Variants in MYRIP observed in about 807,000 individuals in gnomAD.
MYRIP encodes the protein rab effector MyRIP.
Under a neutral mutation model 98.0 loss-of-function variants are expected in MYRIP, and 49 were observed. That is an observed-to-expected ratio of 0.50 (90% CI 0.40 to 0.63). The LOEUF (loss-of-function observed/expected upper bound fraction) is 0.63, where lower values mean the gene tolerates loss of function less well. Ranked by LOEUF, MYRIP falls within the 30% of genes least tolerant of loss-of-function variation. The pLI is 0.00. For synonymous variants in MYRIP, 404 were observed against 409.5 expected, an observed-to-expected ratio of 0.99 and a Z score of 0.16; for missense variants, 1,004 against 1,058.2, an observed-to-expected ratio of 0.95 and a Z score of 0.71.
At chr3:40,033,288 T>C (rs2125820636) in intron 2 of MYRIP, among the ~76,000 whole-genome samples, 1 of 151,240 alleles carries the variant, frequency 6.6e-6, no homozygotes, top group Middle Eastern at 3.4e-3. Context: ...TTGTCCCTGT[T>C]TGCAGACGAC....
intron 1 of MYRIP, among the ~76,000 whole-genome samples, chr3:39,887,882 C>A (rs376575974): frequency 6.6e-6 from 1 of 151,708 alleles, no homozygotes; most frequent in Non-Finnish European, 1.5e-5. Context: ...TCTACACCAA[C>A]AACAGACAAA....
rs964712865 is a variant in MYRIP, at chr3:40,199,211, T to G, written c.1665+8748T>G. 3.3e-5 allele frequency among the ~76,000 whole-genome samples: 5 copies of G among 152,318 alleles called. No homozygotes were observed. In the East Asian group the frequency reaches 9.6e-4, roughly 29 times the overall value. ...ATCCTGTGGATCCTTGTGGAGAGGA[T>G]GGAGACCACAGCAGCCCCTGCTCTA... On this transcript the variant is annotated intron_variant, in intron 10 of 16. Transcript: ENST00000302541.
At chr3:39,911,733 T>C (rs936154432) in intron 2 of MYRIP, among the ~76,000 whole-genome samples, 15 of 152,190 alleles carry the variant, frequency 9.9e-5, no homozygotes, top group African/African-American at 2.7e-4. Context: ...GTAAGCACAA[T>C]GAACAGCCTG....
intron 3 of MYRIP, among the ~76,000 whole-genome samples, chr3:40,132,085 A>G (rs1284055418): frequency 6.6e-6 from 1 of 152,162 alleles, no homozygotes; most frequent in African/African-American, 2.4e-5. Flanking sequence ...AATTTTTTTA[A>G]TGCTTATAGA....
chr3:39,871,004 G>A (rs1469633797), intron 1 of MYRIP, among the ~76,000 whole-genome samples: 2 of 152,130 alleles, frequency 1.3e-5, no homozygotes, highest in Non-Finnish European at 2.9e-5. Flanking sequence ...ATATTATTCT[G>A]TCCAGTCCAT....
intron 2 of MYRIP, among the ~76,000 whole-genome samples, chr3:40,036,014 A>G (rs1295133884): frequency 1.3e-5 from 2 of 151,996 alleles, no homozygotes; most frequent in Admixed American, 1.3e-4. Flanking sequence ...GAGACATGGA[A>G]GAACAGAAAA....
intron 11 of MYRIP, among the ~76,000 whole-genome samples, chr3:40,221,570 G>A (rs1271080092): frequency 6.6e-6 from 1 of 152,190 alleles, no homozygotes; most frequent in Non-Finnish European, 1.5e-5. Flanking sequence ...AATGGAGGTT[G>A]CAGTGAGCTG....
chr3:39,901,950 C>T (rs879557033), intron 2 of MYRIP, among the ~76,000 whole-genome samples: 1 of 152,000 alleles, frequency 6.6e-6, no homozygotes, highest in Non-Finnish European at 1.5e-5. Flanking sequence ...AAAACAATCC[C>T]TTTTTGGTGG....
chr3:40,185,183 A>G (rs1388865676), intron 9 of MYRIP, among the ~76,000 whole-genome samples: 3 of 152,328 alleles, frequency 2.0e-5, no homozygotes, highest in East Asian at 1.9e-4. Context: ...GGGTTGATTC[A>G]GGAGCCTGTT....
At chr3:40,116,416 C>T (rs1468800923) in intron 3 of MYRIP, among the ~76,000 whole-genome samples, 1 of 108,294 alleles carries the variant, frequency 9.2e-6, no homozygotes, top group Non-Finnish European at 2.2e-5. Flanking sequence ...AGATGGAAAA[C>T]ATCCCCCTAC....
At chr3:40,070,773 C>T (rs1948208518) in intron 3 of MYRIP, among the ~76,000 whole-genome samples, 1 of 152,178 alleles carries the variant, frequency 6.6e-6, no homozygotes, top group South Asian at 2.1e-4. Context: ...ACCAGAAAGG[C>T]TGGGGACTGC....
At chr3:40,186,254 G>C (rs1423201671) in intron 9 of MYRIP, among the ~76,000 whole-genome samples, 2 of 152,082 alleles carry the variant, frequency 1.3e-5, no homozygotes, top group African/African-American at 2.4e-5. Flanking sequence ...CTCAGAGTGA[G>C]TGCTCCACAG....
intron 1 of MYRIP, among the ~76,000 whole-genome samples, chr3:39,888,354 G>A (rs1285949604): frequency 7.3e-5 from 11 of 150,700 alleles, no homozygotes; most frequent in Middle Eastern, 3.4e-3. Flanking sequence ...GAACAGAACA[G>A]AGCCCTCAGA....
intron 3 of MYRIP, among the ~76,000 whole-genome samples, chr3:40,055,882 C>T (rs1947876039): frequency 6.6e-6 from 1 of 152,122 alleles, no homozygotes; most frequent in Non-Finnish European, 1.5e-5. Context: ...TGGAGGTTTT[C>T]TTTAACTAGA....
intron 1 of MYRIP, among the ~76,000 whole-genome samples, chr3:39,875,414 T>G (rs1237206976): frequency 6.6e-6 from 1 of 151,538 alleles, no homozygotes; most frequent in Non-Finnish European, 1.5e-5. Flanking sequence ...GCTTTTCTAG[T>G]TCTTTTAATT....
At chr3:40,149,975 T>C (rs1950087121) in intron 3 of MYRIP, among the ~76,000 whole-genome samples, 1 of 152,218 alleles carries the variant, frequency 6.6e-6, no homozygotes, top group Admixed American at 6.5e-5. Context: ...TGAGTGTGTA[T>C]TATTACATTT....
chr3:40,018,290 C>G (rs752938432), intron 2 of MYRIP, among the ~76,000 whole-genome samples: 5 of 152,202 alleles, frequency 3.3e-5, no homozygotes, highest in Non-Finnish European at 7.3e-5. Flanking sequence ...AATTGACTCA[C>G]AGTTTCAGCT....
At chr3:39,939,390 A>G (rs984642883) in intron 2 of MYRIP, among the ~76,000 whole-genome samples, 1 of 152,170 alleles carries the variant, frequency 6.6e-6, no homozygotes, top group East Asian at 1.9e-4. Context: ...CATGAAGACT[A>G]TGTAGCTACA....
At chr3:39,876,408 C>T (rs1326457793) in intron 1 of MYRIP, among the ~76,000 whole-genome samples, 1 of 152,140 alleles carries the variant, frequency 6.6e-6, no homozygotes, top group Non-Finnish European at 1.5e-5. Context: ...TTATTTTGCT[C>T]ATTCGTTCAT....
Sources: allele counts gnomAD v4.1 joint callset (sites outside exome capture counted in the v4.1 genomes callset), GRCh38; gene constraint gnomAD v4.1.1; transcripts MANE v1.5; gene names NCBI Gene and HGNC (gene_info 2026-07-23, HGNC 2026-07-21).